MAPK8IP2: variants seen among roughly 807,000 people sequenced by gnomAD.
The protein encoded by MAPK8IP2 is C-Jun-amino-terminal kinase-interacting protein 2.
A neutral mutation model predicts 75.6 loss-of-function variants in MAPK8IP2; 15 were observed. That is an observed-to-expected ratio of 0.20 (90% confidence interval 0.13 to 0.31). MAPK8IP2 has a LOEUF of 0.31. Ranked by LOEUF, MAPK8IP2 falls within the 10% of genes least tolerant of loss-of-function variation. MAPK8IP2 has a pLI of 1.00. For synonymous variants in MAPK8IP2, 632 were observed against 554.5 expected, an observed-to-expected ratio of 1.14 and a Z score of -1.96; for missense variants, 1,089 against 1,211.2, an observed-to-expected ratio of 0.90 and a Z score of 1.50.
At chr22:50,605,110 A>G (rs1234107213) in intron 5 of MAPK8IP2, 46 bp downstream of exon 5, 1 of 1,600,428 alleles carries the variant, frequency 6.2e-7, no homozygotes, top group Non-Finnish European at 8.5e-7. Flanking sequence ...AGGAAGGTGC[A>G]GACTCCCTGG....
Position 50,613,970 on chromosome 22 carries a change from T to C in MAPK8IP2, c.*3191T>C, listed in dbSNP as rs1478317525. On this transcript the variant is annotated 3_prime_UTR_variant, in exon 12 of 12. Transcript: ENST00000329492. The stretch of plus-strand genomic sequence containing the variant: ...ATGGCGTTCTAAATAAAACGCGTTC[T>C]ACAGAAAAGTGTTTATTGCATTCTT... The C allele has an allele frequency of 6.6e-6, 1 of 152,270 alleles. No homozygotes were observed. The highest frequency in any genetic ancestry group is 1.5e-5 in the Non-Finnish European group (1 of 68,048). The allele number at this position is 152,270 out of a possible 1,614,324, so 9.4% of individuals were successfully genotyped here. A position where few individuals can be genotyped will look rare whatever the true frequency, so the allele number is the denominator to read the frequency against.
intron 2 of MAPK8IP2, among the ~76,000 whole-genome samples, chr22:50,602,665 A>G (rs1205775952): frequency 2.0e-5 from 3 of 152,184 alleles, no homozygotes; most frequent in Non-Finnish European, 4.4e-5. Flanking sequence ...GAGGAGAGGA[A>G]GTGCCAGCAT....
rs761368512 is a variant in MAPK8IP2 at position 50,603,940 on chromosome 22, C to G, written c.641C>G (p.Pro214Arg). The G allele has an allele frequency of 8.2e-5, 126 of 1,543,332 alleles. No homozygotes were observed. Among genetic ancestry groups the G allele is most frequent in the Admixed American group, 1.4e-4 (7 of 51,228 alleles). Residue 214 changes from proline to arginine, a missense_variant, in exon 5 of 12, where the codon CCC becomes CGC. Pro to Arg is a moderately radical substitution (Grantham distance 103). Around this residue, in one of 2 missense-constraint regions of MAPK8IP2, gnomAD observed 960 missense variants for 1,009.6 expected, o/e 0.95. Coordinates refer to ENST00000329492, the MANE Select transcript of MAPK8IP2 (RefSeq NM_012324.6). ...TGCGAAGGGAACCGGCCTGCGGAAC[C>G]CCCTGCGCCAGGGGGGACTTCGCCC... ...CDCEGNRPAE[P>R]PAPGGTSPSS...
Position 50,613,001 on chromosome 22 carries a change from C to T in MAPK8IP2, c.*2222C>T, listed in dbSNP as rs1229211943. 1 of 94,254 alleles carries T rather than the reference C, an allele frequency of 1.1e-5. No homozygotes were observed. Among genetic ancestry groups the T allele is most frequent in the African/African-American group, 4.1e-5 (1 of 24,178 alleles). 5.8% of individuals were successfully genotyped at this position (94,254 alleles called of 1,614,324 possible). A position where few individuals can be genotyped will look rare whatever the true frequency, so the allele number is the denominator to read the frequency against. ...TCCTTCGCCTGTCTGCCTTCCACCT[C>T]TCTGCAGCTCCTTCTCCAATCTCAT... On this transcript the variant is annotated 3_prime_UTR_variant, in exon 12 of 12. Transcript: ENST00000329492.
chr22:50,605,056 G>C lies in MAPK8IP2; in HGVS notation c.1757G>C (p.Arg586Pro), dbSNP rs760515242. The C allele has an allele frequency of 1.2e-6, 2 of 1,612,362 alleles. No individual in the cohort carries two copies. The highest frequency in any genetic ancestry group is 2.7e-5 in the African/African-American group (2 of 74,914). Residue 586 changes from arginine (R) to proline (P), a missense_variant, in exon 5 of 12, where the codon CGG becomes CCG. Around this residue, in one of 2 missense-constraint regions of MAPK8IP2, gnomAD observed 960 missense variants for 1,009.6 expected, o/e 0.95. Coordinates refer to ENST00000329492, the MANE Select transcript of MAPK8IP2 (RefSeq NM_012324.6). ...AATGTCTTCGTCAACAGCACATCTC[G>C]GTCCTCCAGTGAGTGAGAGGTGGGG... ...FLNVFVNSTS[R>P]SSSTESFGLF...
chr22:50,604,352 C>G lies in MAPK8IP2; in HGVS notation c.1053C>G (p.Leu351=). ...AGGACGCGGACTCGCCCTGGCTGCT[C>G]AGCAACCTGGTGAGCCGCATGATCT... ...LSEDADSPWL[L]SNLVSRMISE... is the part of the protein sequence containing the mutation. The change falls in exon 5 of 12, where the codon CTC becomes CTG. Residue 351 remains leucine, a synonymous_variant. Transcript: ENST00000329492. 2 of 1,534,320 alleles carry G rather than the reference C, an allele frequency of 1.3e-6. No homozygotes were observed. Among genetic ancestry groups the G allele is most frequent in the Non-Finnish European group, 1.7e-6 (2 of 1,146,024 alleles).
Position 50,603,406 on chromosome 22 carries a change from C to G in MAPK8IP2, c.355C>G (p.Pro119Ala). 1.9e-6 allele frequency: 3 copies of G among 1,559,356 alleles called. No homozygotes were observed. Among genetic ancestry groups the G allele is most frequent in the Non-Finnish European group, 2.6e-6 (3 of 1,152,262 alleles). ...QEGGDPGSEAPAPGPLIPSPS... is the reference protein window; with the variant it reads ...QEGGDPGSEAAAPGPLIPSPS... ...GGGAGGAGACCCTGGCTCAGAGGCA[C>G]CTGCCCCCGGGCCCCTTATCCCCTC... Residue 119 changes from proline (P) to alanine (A), a missense_variant, in exon 3 of 12, where the codon CCT (proline) becomes GCT (alanine). Pro to Ala is a conservative substitution (Grantham distance 27, BLOSUM62 -1). Around this residue, in one of 2 missense-constraint regions of MAPK8IP2, gnomAD observed 960 missense variants for 1,009.6 expected, o/e 0.95. Coordinates refer to ENST00000329492, the MANE Select transcript of MAPK8IP2 (RefSeq NM_012324.6).
At chr22:50,602,076 C>T (rs530713576) in intron 2 of MAPK8IP2, among the ~76,000 whole-genome samples, 182 bp downstream of exon 2, 5 of 152,302 alleles carry the variant, frequency 3.3e-5, no homozygotes, top group African/African-American at 1.2e-4. Context: ...TATTCCAACA[C>T]ATTGCAGGCC....
Position 50,605,373 on chromosome 22 carries a change from G to C in MAPK8IP2, c.1771G>C (p.Glu591Gln). ...VNSTSRSSST[E>Q]SFGLFSCLVN... ...TGTCCTGCCGGGTCTCCCAGGCACC[G>C]AGTCCTTTGGCCTTTTCTCCTGTCT... The change falls in exon 6 of 12, where the codon GAG (glutamate) becomes CAG (glutamine). Residue 591 changes from glutamate (E) to glutamine (Q), a missense_variant. Physicochemically the swap from Glu to Gln is conservative, Grantham distance 29. Transcript: ENST00000329492. 2 of 1,613,328 alleles carry C rather than the reference G, an allele frequency of 1.2e-6. No individual in the cohort carries two copies. The highest frequency in any genetic ancestry group is 2.2e-5 in the South Asian group (2 of 91,072).
At chr22:50,605,758 G>A (rs774479171) in intron 7 of MAPK8IP2, 24 bp downstream of exon 7, 1 of 1,604,000 alleles carries the variant, frequency 6.2e-7, no homozygotes, top group South Asian at 1.1e-5. Context: ...CCCGAGGGGA[G>A]GCTTTTCACC....
chr22:50,607,432 G>A lies in MAPK8IP2; in HGVS notation c.2303+441G>A, dbSNP rs1419533074. Reference sequence around the variant, plus strand: ...TGTAAGGGGAGCAGCTAGAAATGCCGGGGAAGACCTGGACCCTTTTGATTA... The same window carrying A: ...TGTAAGGGGAGCAGCTAGAAATGCCAGGGAAGACCTGGACCCTTTTGATTA... On this transcript the variant is annotated intron_variant, in intron 10 of 11. Transcript: ENST00000329492. This position sits in a 1 kb window ranked among gnomAD's most constrained non-coding sequence, Gnocchi z 5.6. 1.3e-5 allele frequency among the ~76,000 whole-genome samples: 2 copies of A among 152,132 alleles called. No homozygotes were observed. Among genetic ancestry groups the A allele is most frequent in the Non-Finnish European group, 2.9e-5 (2 of 68,016 alleles).
Position 50,604,170 on chromosome 22 carries a change from T to G in MAPK8IP2, c.871T>G (p.Ser291Ala), listed in dbSNP as rs1156761526. ...CGGAAGCAGCAGCAGCGGCCGCTCC[T>G]CGCACCTCACCAACTCCATCGAGGA... The part of the protein sequence containing the change: ...DGGSSSSGRS[S>A]HLTNSIEEAS... Residue 291 changes from serine (S) to alanine (A), a missense_variant, in exon 5 of 12, where the codon TCG (serine) becomes GCG (alanine). Around this residue, in one of 2 missense-constraint regions of MAPK8IP2, gnomAD observed 960 missense variants for 1,009.6 expected, o/e 0.95. Transcript: ENST00000329492. 1 of 1,549,780 alleles carries G rather than the reference T, an allele frequency of 6.5e-7. No individual in the cohort carries two copies. Among genetic ancestry groups the G allele is most frequent in the South Asian group, 1.2e-5 (1 of 85,128 alleles).
rs2071012911 is a variant in MAPK8IP2 at position 50,604,703 on chromosome 22, C to T, written c.1404C>T (p.Ser468=). The T allele has an allele frequency of 3.9e-6, 6 of 1,526,816 alleles. No homozygotes were observed. In the South Asian group the frequency reaches 4.9e-5, roughly 12 times the overall value. 94.6% of individuals were successfully genotyped at this position (1,526,816 alleles called of 1,614,324 possible). ...RPGRACSAAC[S]EEEDEEDDEE... ...GACGAGCCTGCTCCGCCGCCTGCTCCGAGGAGGAGGACGAAGAGGACGACG... is the reference window on the plus strand; with the variant it reads ...GACGAGCCTGCTCCGCCGCCTGCTCTGAGGAGGAGGACGAAGAGGACGACG... Residue 468 remains serine, a synonymous_variant, in exon 5 of 12, where the codon TCC becomes TCT. Transcript: ENST00000329492.
Position 50,607,060 on chromosome 22 carries a change from A to C in MAPK8IP2, c.2303+69A>C. On this transcript the variant is annotated intron_variant, in intron 10 of 11. Coordinates refer to ENST00000329492, the MANE Select transcript of MAPK8IP2 (RefSeq NM_012324.6). This position sits in a 1 kb window ranked among gnomAD's most constrained non-coding sequence, Gnocchi z 5.6. ...ACCCTGAGAGTCCAACCGCCCCCTG[A>C]GTCCCCACAGACCCTGAGGGCTGCC... 1 of 1,257,934 alleles carries C rather than the reference A, an allele frequency of 7.9e-7. No homozygotes were observed. Among genetic ancestry groups the C allele is most frequent in the East Asian group, 2.3e-5 (1 of 42,986 alleles). The allele number at this position is 1,257,934 out of a possible 1,614,324, so 77.9% of individuals were successfully genotyped here. A position where few individuals can be genotyped will look rare whatever the true frequency, so the allele number is the denominator to read the frequency against.
At position 50,604,515 on chromosome 22, in the gene MAPK8IP2, G is replaced by A. The variant is rs2071007341; in HGVS notation, c.1216G>A (p.Val406Met). 7.5e-6 allele frequency: 9 copies of A among 1,203,788 alleles called. No individual in the cohort carries two copies. In the East Asian group the frequency reaches 1.1e-4, roughly 15 times the overall value. 74.6% of individuals were successfully genotyped at this position (1,203,788 alleles called of 1,614,324 possible). The change falls in exon 5 of 12, where the codon GTG becomes ATG. Residue 406 changes from valine (V) to methionine (M), a missense_variant. By Grantham distance (21) the Val-to-Met change is conservative. Transcript: ENST00000329492. ...DPEAAAGPGGVELVDMETLCA... is the reference protein window; with the variant it reads ...DPEAAAGPGGMELVDMETLCA... ...CGAGGCGGCCGCGGGGCCCGGCGGCGTGGAGCTGGTGGACATGGAGACGCT... is the reference window on the plus strand; with the variant it reads ...CGAGGCGGCCGCGGGGCCCGGCGGCATGGAGCTGGTGGACATGGAGACGCT...
chr22:50,605,278 G>A, intron 5 of MAPK8IP2, 90 bp from the exon 6 acceptor site: 2 of 1,292,298 alleles, frequency 1.5e-6, no homozygotes, highest in Non-Finnish European at 2.2e-6. Flanking sequence ...CTGTGGAGGG[G>A]ACTTGGCCTC....
chr22:50,604,544 C>CGCG lies in MAPK8IP2; in HGVS notation c.1246_1248dup (p.Ala416dup). The stretch of plus-strand genomic sequence containing the variant: ...AGCTGGTGGACATGGAGACGCTGTG[C>CGCG]GCGCCGCCGCCGCCCGCGCCCGCCG... On this transcript the variant is annotated inframe_insertion, in exon 5 of 12. Transcript: ENST00000329492. 2 of 1,151,434 alleles carry CGCG rather than the reference C, an allele frequency of 1.7e-6. No individual in the cohort carries two copies. Among genetic ancestry groups the CGCG allele is most frequent in the Non-Finnish European group, 1.1e-6 (1 of 940,564 alleles). The allele number at this position is 1,151,434 out of a possible 1,614,324, so 71.3% of individuals were successfully genotyped here.
Position 50,604,910 on chromosome 22 carries a change from A to C in MAPK8IP2, c.1611A>C (p.Glu537Asp), listed in dbSNP as rs928170031. 1 of 1,610,076 alleles carries C rather than the reference A, an allele frequency of 6.2e-7. No individual in the cohort carries two copies. The highest frequency in any genetic ancestry group is 1.3e-5 in the African/African-American group (1 of 74,764). The change falls in exon 5 of 12, where the codon GAA (glutamate) becomes GAC (aspartate). Residue 537 changes from glutamate to aspartate, a missense_variant. Around this residue, in one of 2 missense-constraint regions of MAPK8IP2, gnomAD observed 960 missense variants for 1,009.6 expected, o/e 0.95. Coordinates refer to ENST00000329492, the MANE Select transcript of MAPK8IP2 (RefSeq NM_012324.6). ...RRCAGLGHDS[E>D]EDSGGEASEE... ...GTGCTGGGCTGGGCCACGACAGCGA[A>C]GAGGACAGCGGCGGGGAGGCCAGCG...
At chr22:50,603,175 C>T in intron 2 of MAPK8IP2, 48 bp from the exon 3 acceptor site, 3 of 1,611,832 alleles carry the variant, frequency 1.9e-6, no homozygotes, top group Non-Finnish European at 2.5e-6. Context: ...GGCCCCTGGG[C>T]TACTGCTGCC....
Sources: allele counts gnomAD v4.1 joint callset (sites outside exome capture counted in the v4.1 genomes callset), GRCh38; gene constraint gnomAD v4.1.1; regional missense constraint gnomAD v4.1.1; non-coding constraint Gnocchi (gnomAD v3.1); transcripts MANE v1.5; gene names NCBI Gene and HGNC (gene_info 2026-07-23, HGNC 2026-07-21).